RNF4: variants seen among roughly 807,000 people sequenced by gnomAD.
The protein encoded by RNF4 is E3 ubiquitin-protein ligase RNF4.
A neutral mutation model predicts 24.3 loss-of-function variants in RNF4; 7 were observed. That is an observed-to-expected ratio of 0.29 (90% CI 0.16 to 0.54). The LOEUF (loss-of-function observed/expected upper bound fraction) is 0.54. Ranked by LOEUF, RNF4 falls within the 20% of genes least tolerant of loss-of-function variation. The pLI is 0.95. For missense variants in RNF4, 209 were observed against 248.5 expected (o/e 0.84, Z 1.07); for synonymous variants, 83 against 84.3 (o/e 0.98, Z 0.09).
intron 1 of RNF4, among the ~76,000 whole-genome samples, chr4:2,487,308 CAG>C (rs1405046211): frequency 3.3e-5 from 5 of 152,008 alleles, no homozygotes; most frequent in South Asian, 4.1e-4. Context: ...TTTTTTGAGA[CAG>C]AGTCTCTCTC....
chr4:2,487,177 G>A (rs1735435509), intron 1 of RNF4, among the ~76,000 whole-genome samples: 1 of 152,220 alleles, frequency 6.6e-6, no homozygotes, highest in African/African-American at 2.4e-5. Context: ...TGCAGTCATG[G>A]CTCACTGCAG....
chr4:2,493,567 C>A (rs1308151343), intron 2 of RNF4, among the ~76,000 whole-genome samples: 2 of 151,764 alleles, frequency 1.3e-5, no homozygotes, highest in African/African-American at 2.4e-5. Context: ...CATGGTGAAA[C>A]CCCGTTTCCA....
chr4:2,493,084 A>T (rs1035300043), intron 2 of RNF4, among the ~76,000 whole-genome samples: 1 of 152,160 alleles, frequency 6.6e-6, no homozygotes. Context: ...AGCTCTGCAG[A>T]TATTCCTGGA....
chr4:2,504,524 T>TTGCA (rs374653424), intron 4 of RNF4, among the ~76,000 whole-genome samples: 2 of 140,814 alleles, frequency 1.4e-5, no homozygotes, highest in Non-Finnish European at 3.1e-5. Context: ...GTTTTATAGC[T>TTGCA]TTTATTTATT....
At chr4:2,477,339 C>A (rs1040576020) in intron 1 of RNF4, among the ~76,000 whole-genome samples, 26 of 152,058 alleles carry the variant, frequency 1.7e-4, no homozygotes, top group African/African-American at 6.3e-4. Flanking sequence ...GTAATCCCAG[C>A]ACTTTGGGAG....
chr4:2,477,909 T>C (rs1234077484), intron 1 of RNF4, among the ~76,000 whole-genome samples: 2 of 152,158 alleles, frequency 1.3e-5, no homozygotes, highest in Non-Finnish European at 2.9e-5. Flanking sequence ...TGGAACAGTT[T>C]GGAGGGCTCA....
At chr4:2,492,013 A>G (rs1455748557) in intron 2 of RNF4, among the ~76,000 whole-genome samples, 2 of 151,808 alleles carry the variant, frequency 1.3e-5, no homozygotes, top group African/African-American at 2.4e-5. Flanking sequence ...CCTGGCTAAC[A>G]CGGTGAAACC....
intron 1 of RNF4, among the ~76,000 whole-genome samples, chr4:2,479,438 A>G (rs988661823): frequency 1.3e-5 from 2 of 152,090 alleles, no homozygotes; most frequent in African/African-American, 4.8e-5. Context: ...TTGAATTTCC[A>G]CATGTGGGAG....
Position 2,490,392 on chromosome 4 carries a change from G to GT in RNF4, c.-101dup. Reference sequence around the variant, plus strand: ...CCAAATTATTTTGCAAGCCAGATGAGTAACCAGAGGGCATGAAAGGTTGAG... The same window carrying GT: ...CCAAATTATTTTGCAAGCCAGATGAGTTAACCAGAGGGCATGAAAGGTTGAG... On this transcript the variant is annotated 5_prime_UTR_variant, in exon 2 of 8. It introduces an in-frame stop codon into an upstream open reading frame of the 5' UTR. Transcript: ENST00000314289. The GT allele has an allele frequency of 8.5e-7, 1 of 1,182,302 alleles. No individual in the cohort carries two copies. Among genetic ancestry groups the GT allele is most frequent in the Non-Finnish European group, 1.2e-6 (1 of 820,002 alleles). The allele number at this position is 1,182,302 out of a possible 1,614,324, so 73.2% of individuals were successfully genotyped here.
chr4:2,472,781 CGT>C (rs1734946778), intron 1 of RNF4, among the ~76,000 whole-genome samples: 1 of 152,152 alleles, frequency 6.6e-6, no homozygotes, highest in Non-Finnish European at 1.5e-5. Context: ...GTGGCTCACC[CGT>C]GTAATCCCAG....
rs376985025 is a variant in RNF4 at position 2,500,695 on chromosome 4, T to C, written c.161T>C (p.Leu54Ser). Residue 54 changes from leucine (L) to serine (S), a missense_variant, in exon 4 of 8, where the codon TTA becomes TCA. Transcript: ENST00000314289. ...DEIVDLTCESLEPVVVDLTHN... is the reference protein window; with the variant it reads ...DEIVDLTCESSEPVVVDLTHN... ...ATTGTGGACCTCACTTGTGAATCTT[T>C]AGAGCCTGTGGTGGTTGATCTGACT... 5.0e-5 allele frequency: 81 copies of C among 1,613,834 alleles called. No individual in the cohort carries two copies. Among genetic ancestry groups the C allele is most frequent in the Non-Finnish European group, 5.9e-5 (70 of 1,179,858 alleles).
At chr4:2,494,582 G>C (rs994051621) in intron 2 of RNF4, 1 of 151,734 alleles carries the variant, frequency 6.6e-6, no homozygotes, top group Admixed American at 6.6e-5. Context: ...GGGTTTCTAC[G>C]TGTTAGCCAG....
intron 1 of RNF4, among the ~76,000 whole-genome samples, chr4:2,482,127 C>G (rs71606402): frequency 0.082 from 12,538 of 152,250 alleles, 720 homozygotes; most frequent in African/African-American, 0.15. Flanking sequence ...ACATGTCTCT[C>G]TTTAGGAGCC....
chr4:2,484,484 A>G (rs1420167843), intron 1 of RNF4, among the ~76,000 whole-genome samples: 1 of 151,952 alleles, frequency 6.6e-6, no homozygotes, highest in Admixed American at 6.6e-5. Context: ...ACAGTCCCTG[A>G]CTTACAGTGT....
Position 2,490,385 on chromosome 4 carries a change from C to T in RNF4, c.-109C>T. The T allele has an allele frequency of 9.3e-7, 1 of 1,075,522 alleles. No individual in the cohort carries two copies. Among genetic ancestry groups the T allele is most frequent in the Non-Finnish European group, 1.4e-6 (1 of 728,930 alleles). 66.6% of individuals were successfully genotyped at this position (1,075,522 alleles called of 1,614,324 possible). On this transcript the variant is annotated 5_prime_UTR_variant, in exon 2 of 8. Transcript: ENST00000314289. ...TCCGGATCCAAATTATTTTGCAAGC[C>T]AGATGAGTAACCAGAGGGCATGAAA...
Position 2,476,945 on chromosome 4 carries a change from CT to C in RNF4, c.-158+7688del, listed in dbSNP as rs945177341. Among the ~76,000 whole-genome samples, 4 of 151,744 alleles carry C rather than the reference CT, an allele frequency of 2.6e-5. 1 individual carries two copies. Among genetic ancestry groups the C allele is most frequent in the East Asian group, 2.0e-4 (1 of 5,098 alleles). On this transcript the variant is annotated intron_variant, in intron 1 of 7. Transcript: ENST00000314289. Reference sequence around the variant, plus strand: ...TACAGGTGGGCAGCACCACGTCTAGCTCATTTTTGTATTTTTATTAGAGACA... The same window carrying C: ...TACAGGTGGGCAGCACCACGTCTAGCCATTTTTGTATTTTTATTAGAGACA...
At chr4:2,488,828 A>G (rs758193602) in intron 1 of RNF4, among the ~76,000 whole-genome samples, 1 of 151,612 alleles carries the variant, frequency 6.6e-6, no homozygotes, top group South Asian at 2.1e-4. Context: ...TTATTTATTT[A>G]TTTTTTTGAG....
chr4:2,469,161 G>T lies in RNF4; in HGVS notation c.-255G>T, dbSNP rs961638846. 1.3e-5 allele frequency: 2 copies of T among 152,290 alleles called. No individual in the cohort carries two copies. Among genetic ancestry groups the T allele is most frequent in the African/African-American group, 4.8e-5 (2 of 41,468 alleles). 9.4% of individuals were successfully genotyped at this position (152,290 alleles called of 1,614,324 possible). A position where few individuals can be genotyped will look rare whatever the true frequency, so the allele number is the denominator to read the frequency against. ...CATCTTTCTCGAGGAGCTCTCCTGG[G>T]CGGCTGAAGAAGGAGCTTCTTCTCC... is the stretch of plus-strand genomic sequence containing the variant. On this transcript the variant is annotated 5_prime_UTR_variant, in exon 1 of 8. Transcript: ENST00000314289.
At position 2,512,438 on chromosome 4, in the gene RNF4, AAAG is replaced by A. The variant is rs746907774; in HGVS notation, c.223_225del (p.Arg75del). ...CTGAAAATGTGACCTCTTACCTTAG[AAAG>A]AAGAAGACCAAGGAGGAATGCTAGG... On this transcript the variant is annotated inframe_deletion and splice_region_variant, in exon 6 of 8. Coordinates refer to ENST00000314289, the MANE Select transcript of RNF4 (RefSeq NM_002938.5). This position sits in a 1 kb window ranked among gnomAD's most constrained non-coding sequence, Gnocchi z 4.1. 4.3e-5 allele frequency: 69 copies of A among 1,607,990 alleles called. No individual in the cohort carries two copies. Among genetic ancestry groups the A allele is most frequent in the Non-Finnish European group, 5.3e-5 (62 of 1,177,290 alleles).
Sources: allele counts gnomAD v4.1 joint callset (sites outside exome capture counted in the v4.1 genomes callset), GRCh38; gene constraint gnomAD v4.1.1; non-coding constraint Gnocchi (gnomAD v3.1); transcripts MANE v1.5; gene names NCBI Gene and HGNC (gene_info 2026-07-23, HGNC 2026-07-21).